The following BCL2L14 variants were observed in gnomAD, a reference collection of about 807,000 sequenced individuals.
BCL2L14 encodes apoptosis facilitator Bcl-2-like protein 14.
In BCL2L14, 27 loss-of-function variants were observed where a neutral mutation model predicts 35.3. The ratio of observed to expected loss-of-function variants is 0.76; its 90% CI spans 0.56 to 1.05. BCL2L14 has a LOEUF of 1.05. Ranked by LOEUF, BCL2L14 falls within the 50% of genes least tolerant of loss-of-function variation. The pLI, the probability that BCL2L14 is intolerant of heterozygous loss-of-function variation, is 0.00. For missense variants in BCL2L14, 377 were observed against 382.6 expected, an observed-to-expected ratio of 0.99 and a Z score of 0.12; for synonymous variants, 139 against 145.9, an observed-to-expected ratio of 0.95 and a Z score of 0.34.
intron 5 of BCL2L14, among the ~76,000 whole-genome samples, chr12:12,098,726 A>T (rs1329617790): frequency 6.6e-6 from 1 of 152,136 alleles, no homozygotes; most frequent in African/African-American, 2.4e-5. Context: ...TCTTCAAGGA[A>T]AGATCCAGCC....
intron 1 of BCL2L14, chr12:12,071,403 A>G (rs1948667176): frequency 6.6e-6 from 1 of 152,228 alleles, no homozygotes. Flanking sequence ...AGTTAAGAAC[A>G]CATTACTGGT....
At chr12:12,053,068 A>G (rs960829712) in intron 2 of BCL2L14, among the ~76,000 whole-genome samples, 2 of 152,180 alleles carry the variant, frequency 1.3e-5, no homozygotes, top group African/African-American at 4.8e-5. Flanking sequence ...GACAATGATG[A>G]TGGTACCACC....
chr12:12,097,577 A>C (rs191801365), intron 5 of BCL2L14, among the ~76,000 whole-genome samples: 121 of 152,290 alleles, frequency 7.9e-4, no homozygotes, highest in Non-Finnish European at 1.2e-3. Context: ...TTATTTTTGG[A>C]GTGATGATAA....
intron 5 of BCL2L14, among the ~76,000 whole-genome samples, chr12:12,096,549 A>C (rs1157584416): frequency 2.0e-5 from 3 of 152,204 alleles, no homozygotes; most frequent in African/African-American, 7.2e-5. Flanking sequence ...AAAATGTCAA[A>C]TAACCCAATT....
At position 12,094,837 on chromosome 12, in the gene BCL2L14, T is replaced by C; in HGVS notation, c.852T>C (p.Ala284=). Residue 284 remains alanine, a synonymous_variant, in exon 5 of 6, where the codon GCT becomes GCC. Coordinates refer to ENST00000308721, the MANE Select transcript of BCL2L14 (RefSeq NM_138723.2). ...LVIDVTAKLT[A]IDNHPMNRVL... ...TAGACGTCACGGCCAAGCTCACAGC[T>C]ATTGACAACCACCCGATGAACAGGG... 6.2e-7 allele frequency: 1 copy of C among 1,614,178 alleles called. No individual in the cohort carries two copies. Among genetic ancestry groups the C allele is most frequent in the Non-Finnish European group, 8.5e-7 (1 of 1,180,040 alleles).
At chr12:12,072,990 G>A (rs778634454) in intron 1 of BCL2L14, among the ~76,000 whole-genome samples, 8 of 151,908 alleles carry the variant, frequency 5.3e-5, no homozygotes, top group Non-Finnish European at 1.0e-4. Flanking sequence ...AGGCTCAAGC[G>A]ATTCTCCCCC....
At chr12:12,095,742 G>C (rs889361381) in intron 5 of BCL2L14, 1 of 985,212 alleles carries the variant, frequency 1.0e-6, no homozygotes, top group Non-Finnish European at 1.2e-6. Context: ...GAGTGACCCT[G>C]GGACCTCCAC....
chr12:12,064,484 G>A (rs551158046), intron 2 of BCL2L14, among the ~76,000 whole-genome samples: 8 of 151,906 alleles, frequency 5.3e-5, no homozygotes, highest in Non-Finnish European at 1.0e-4. Flanking sequence ...CATAACTGTC[G>A]TGCCTACTAC....
rs766758023 is a variant in BCL2L14 at position 12,058,631 on chromosome 12, C to T, written c.-272+6784C>T. 4.5e-4 allele frequency among the ~76,000 whole-genome samples: 69 copies of T among 151,992 alleles called. 1 individual carries two copies. The highest frequency in any genetic ancestry group is 7.4e-5 in the Non-Finnish European group (5 of 67,980). On this transcript the variant is annotated intron_variant, in intron 2 of 3. Coordinates refer to the BCL2L14 transcript ENST00000461264. ...GCCCGCCAGAGAACCCCCCTTTTTC[C>T]TTTACCTACCCAAATCCTATAAAAC...
In BCL2L14 at chr12:12,099,135, C is replaced by T. The variant is rs1565496755; in HGVS notation, c.*147C>T. 1 of 636,300 alleles carries T rather than the reference C, an allele frequency of 1.6e-6. No homozygotes were observed. The highest frequency in any genetic ancestry group is 1.9e-5 in the South Asian group (1 of 52,814). 39.4% of individuals were successfully genotyped at this position (636,300 alleles called of 1,614,324 possible). On this transcript the variant is annotated 3_prime_UTR_variant, in exon 6 of 6. Coordinates refer to ENST00000308721, the MANE Select transcript of BCL2L14 (RefSeq NM_138723.2). The stretch of plus-strand genomic sequence containing the variant: ...ATTATTCCTGTGACTGGAGAGGCAT[C>T]AGGAGAGGTCTCGTTCGTCTCCAGC...
chr12:12,099,315 C>A lies in BCL2L14; in HGVS notation c.*327C>A. The A allele has an allele frequency of 3.2e-6, 1 of 308,198 alleles. No individual in the cohort carries two copies. Among genetic ancestry groups the A allele is most frequent in the African/African-American group, 2.2e-5 (1 of 45,688 alleles). The allele number at this position is 308,198 out of a possible 1,614,324, so 19.1% of individuals were successfully genotyped here. A position where few individuals can be genotyped will look rare whatever the true frequency, so the allele number is the denominator to read the frequency against. ...TTTGTTAGCTGCTGTAGGGAAAGTG[C>A]GTTACAGATGTCTGCTGACCTCACA... On this transcript the variant is annotated 3_prime_UTR_variant, in exon 6 of 6. Transcript: ENST00000308721.
chr12:12,050,856 CAT>C (rs1409390809), intron 1 of BCL2L14, among the ~76,000 whole-genome samples: 1 of 149,104 alleles, frequency 6.7e-6, no homozygotes, highest in Non-Finnish European at 1.5e-5. Context: ...GCATAAATCT[CAT>C]AATGTTTTAA....
upstream of BCL2L14, among the ~76,000 whole-genome samples, chr12:12,069,996 C>T (rs983893234): frequency 2.6e-5 from 4 of 152,124 alleles, no homozygotes; most frequent in South Asian, 2.1e-4. Flanking sequence ...GTTTGACCAG[C>T]GGTCCAGGGT....
At chr12:12,094,517 G>A (rs535131543) in intron 4 of BCL2L14, 147 bp from the exon 5 acceptor site, 3 of 1,614,108 alleles carry the variant, frequency 1.9e-6, no homozygotes, top group East Asian at 2.2e-5. Flanking sequence ...GCAGGACACT[G>A]CCTTCATCCC....
chr12:12,052,499 C>T (rs191511091), intron 2 of BCL2L14, among the ~76,000 whole-genome samples: 1 of 152,352 alleles, frequency 6.6e-6, no homozygotes, highest in African/African-American at 2.4e-5. Context: ...TGGCTTATTT[C>T]ACTTAGCGTA....
At chr12:12,068,849 G>T (rs1948624179), upstream of BCL2L14, among the ~76,000 whole-genome samples, 1 of 152,150 alleles carries the variant, frequency 6.6e-6, no homozygotes, top group South Asian at 2.1e-4. Flanking sequence ...TACTCCATAG[G>T]CAGAGCAGTG....
intron 3 of BCL2L14, among the ~76,000 whole-genome samples, chr12:12,088,855 G>C (rs1565481632): frequency 1.3e-5 from 2 of 151,698 alleles, no homozygotes; most frequent in Admixed American, 1.3e-4. Flanking sequence ...TGAAGAGCTG[G>C]AGGAGAGGAG....
At chr12:12,069,286 A>T (rs990033740), upstream of BCL2L14, among the ~76,000 whole-genome samples, 1 of 152,258 alleles carries the variant, frequency 6.6e-6, no homozygotes, top group Admixed American at 6.5e-5. Context: ...CTTCAGAGTG[A>T]TCCTCTCACC....
chr12:12,078,150 T>TCTGTGTTTCCTCCATCTGTGA (rs1948822662), intron 1 of BCL2L14: 1 of 177,752 alleles, frequency 5.6e-6, no homozygotes, highest in Non-Finnish European at 1.2e-5. Context: ...CAGCTCTCCA[T>TCTGTGTTTCCTCCATCTGTGA]TGCCTCCATC....
Sources: allele counts gnomAD v4.1 joint callset (sites outside exome capture counted in the v4.1 genomes callset), GRCh38; gene constraint gnomAD v4.1.1; transcripts MANE v1.5; gene names NCBI Gene and HGNC (gene_info 2026-07-23, HGNC 2026-07-21).